PLEKHA6: variants seen among roughly 807,000 people sequenced by gnomAD.
PLEKHA6 encodes the protein pleckstrin homology domain-containing family A member 6.
In PLEKHA6, 60 loss-of-function variants were observed where a neutral mutation model predicts 116.7. That is an observed-to-expected ratio of 0.51 (90% CI 0.42 to 0.64). PLEKHA6 has a LOEUF of 0.64. Ranked by LOEUF, PLEKHA6 falls within the 30% of genes least tolerant of loss-of-function variation. PLEKHA6 has a pLI of 0.00. For synonymous variants in PLEKHA6, 489 were observed against 556.1 expected (o/e 0.88, Z 1.70); for missense variants, 1,338 against 1,422.7 (o/e 0.94, Z 0.96).
rs1261688546 is a variant in PLEKHA6, at chr1:204,223,686, G to A, written c.3032-101C>T. The A allele has an allele frequency of 2.3e-5, 15 of 641,140 alleles. No individual in the cohort carries two copies. Among genetic ancestry groups the A allele is most frequent in the Non-Finnish European group, 4.3e-5 (15 of 351,776 alleles). 39.7% of individuals were successfully genotyped at this position (641,140 alleles called of 1,614,324 possible). A position where few individuals can be genotyped will look rare whatever the true frequency, so the allele number is the denominator to read the frequency against. On this transcript the variant is annotated intron_variant, in intron 21 of 22. Transcript: ENST00000272203. This position sits in a 1 kb window ranked among gnomAD's most constrained non-coding sequence, Gnocchi z 4.8. Reference sequence around the variant, plus strand: ...CCTCCCCAGGCAGGGAGTGAGGCAGGGAGGCAAGCGAAGAGAGAGCACTGA... The same window carrying A: ...CCTCCCCAGGCAGGGAGTGAGGCAGAGAGGCAAGCGAAGAGAGAGCACTGA...
intron 2 of PLEKHA6, among the ~76,000 whole-genome samples, 160 bp from the exon 3 acceptor site, chr1:204,273,900 C>T (rs1667739886): frequency 6.6e-6 from 1 of 152,102 alleles, no homozygotes; most frequent in Non-Finnish European, 1.5e-5. Flanking sequence ...CTCCTTTAGC[C>T]TTTCTGAAAT....
At chr1:204,292,574 C>T (rs1669883015) in intron 1 of PLEKHA6, among the ~76,000 whole-genome samples, 1 of 151,778 alleles carries the variant, frequency 6.6e-6, no homozygotes, top group Non-Finnish European at 1.5e-5. Context: ...ACCTGTGTCC[C>T]TCGCCCTGGC....
In PLEKHA6 at chr1:204,244,848, C is replaced by A. The variant is rs781132630; in HGVS notation, c.2172+16G>T. On this transcript the variant is annotated intron_variant, in intron 15 of 22. Transcript: ENST00000272203. Reference sequence around the variant, plus strand: ...CTCCCTCCCCCACCTACCTTCTACTCCATTTCTCAACTTACCTCGTTGGAG... The same window carrying A: ...CTCCCTCCCCCACCTACCTTCTACTACATTTCTCAACTTACCTCGTTGGAG... 2.6e-6 allele frequency: 4 copies of A among 1,555,154 alleles called. No homozygotes were observed. Among genetic ancestry groups the A allele is most frequent in the Non-Finnish European group, 3.5e-6 (4 of 1,149,034 alleles).
At chr1:204,274,064 G>C (rs145730616) in intron 2 of PLEKHA6, among the ~76,000 whole-genome samples, 221 of 152,078 alleles carry the variant, frequency 1.5e-3, no homozygotes, top group Non-Finnish European at 2.9e-3. Context: ...TTCCAGAGTA[G>C]ATGGGACCAC....
intron 1 of PLEKHA6, chr1:204,377,504 G>T (rs1054007378): frequency 4.6e-5 from 7 of 152,170 alleles, no homozygotes; most frequent in Non-Finnish European, 2.9e-5. Flanking sequence ...TCTCCGGCCT[G>T]CCCCCAGCCC....
chr1:204,341,756 AAGT>A (rs1387386422), intron 1 of PLEKHA6, among the ~76,000 whole-genome samples: 1 of 152,254 alleles, frequency 6.6e-6, no homozygotes, highest in Non-Finnish European at 1.5e-5. Context: ...TAACCAAAAA[AAGT>A]AGATCAGAAA....
rs1055261069 is a variant in PLEKHA6 at position 204,305,316 on chromosome 1, A to C, written c.-94-30507T>G. Among the ~76,000 whole-genome samples, 3 of 152,324 alleles carry C rather than the reference A, an allele frequency of 2.0e-5. No homozygotes were observed. The South Asian group carries it at 6.2e-4, about 32-fold the overall frequency. On this transcript the variant is annotated intron_variant, in intron 1 of 22. Transcript: ENST00000272203. ...CGTGCATTGCTGGGCAGTGGGGTAG[A>C]GGGAGGTGCATGCAGTACTGCGGCA...
At chr1:204,278,891 A>T (rs973178522) in intron 1 of PLEKHA6, among the ~76,000 whole-genome samples, 1 of 152,132 alleles carries the variant, frequency 6.6e-6, no homozygotes, top group South Asian at 2.1e-4. Flanking sequence ...GCCCTGACTT[A>T]ATTTTTAACC....
chr1:204,348,406 G>T (rs1408727846), intron 1 of PLEKHA6, among the ~76,000 whole-genome samples: 2 of 152,088 alleles, frequency 1.3e-5, no homozygotes, highest in African/African-American at 4.8e-5. Context: ...AGCCATAAAT[G>T]CCTTGCCCGT....
intron 9 of PLEKHA6, chr1:204,255,479 G>A (rs1665150355): frequency 3.5e-5 from 21 of 606,844 alleles, no homozygotes; most frequent in South Asian, 3.2e-4. Flanking sequence ...GGGTGTGTAG[G>A]CGCAAACCAA....
intron 1 of PLEKHA6, among the ~76,000 whole-genome samples, chr1:204,288,279 G>A (rs115675356): frequency 0.01 from 1,523 of 152,268 alleles, 29 homozygotes; most frequent in African/African-American, 0.035. Flanking sequence ...TCAGCCAGCC[G>A]GAGCTGGCTG....
Position 204,219,649 on chromosome 1 carries a change from C to A in PLEKHA6, c.*3139G>T, listed in dbSNP as rs1659448690. 6.6e-6 allele frequency: 1 copy of A among 152,206 alleles called. No individual in the cohort carries two copies. Among genetic ancestry groups the A allele is most frequent in the Non-Finnish European group, 1.5e-5 (1 of 68,070 alleles). 9.4% of individuals were successfully genotyped at this position (152,206 alleles called of 1,614,324 possible). A position where few individuals can be genotyped will look rare whatever the true frequency, so the allele number is the denominator to read the frequency against. ...TGGGAGGCCAGGCTTCAAACGCTGG[C>A]CAGGAGCTCTGCTCTAGATTCCCAA... is the stretch of plus-strand genomic sequence containing the variant. On this transcript the variant is annotated 3_prime_UTR_variant, in exon 23 of 23. Coordinates refer to ENST00000272203, the MANE Select transcript of PLEKHA6 (RefSeq NM_014935.5).
intron 1 of PLEKHA6, among the ~76,000 whole-genome samples, chr1:204,302,439 C>T (rs954645567): frequency 3.3e-5 from 5 of 152,220 alleles, no homozygotes; most frequent in African/African-American, 1.2e-4. Flanking sequence ...GCTTGAACAT[C>T]TCAGAAGAGA....
intron 1 of PLEKHA6, among the ~76,000 whole-genome samples, chr1:204,347,417 C>T (rs1673102024): frequency 6.6e-6 from 1 of 151,646 alleles, no homozygotes; most frequent in Middle Eastern, 3.2e-3. Flanking sequence ...GTTCTTTTTT[C>T]AAGGTGCCCA....
intron 1 of PLEKHA6, among the ~76,000 whole-genome samples, chr1:204,314,932 T>C (rs1671797728): frequency 6.6e-6 from 1 of 152,138 alleles, no homozygotes; most frequent in Non-Finnish European, 1.5e-5. Context: ...GGTATCAATG[T>C]AGGCCTCGGT....
At chr1:204,263,672 G>C (rs1011801565) in intron 6 of PLEKHA6, among the ~76,000 whole-genome samples, 10 of 152,090 alleles carry the variant, frequency 6.6e-5, no homozygotes. Context: ...GCAGAGCTCC[G>C]AGCTGGAACG....
intron 13 of PLEKHA6, 34 bp from the exon 14 acceptor site, chr1:204,245,760 G>T: frequency 6.9e-7 from 1 of 1,445,820 alleles, no homozygotes; most frequent in Non-Finnish European, 9.7e-7. Context: ...AAAGGAAATG[G>T]CCATGAGGAG....
intron 12 of PLEKHA6, among the ~76,000 whole-genome samples, chr1:204,247,896 T>G (rs533463343): frequency 6.6e-6 from 1 of 150,896 alleles, no homozygotes; most frequent in Admixed American, 6.6e-5. Context: ...AAGATTGCAG[T>G]GAGCTGTGTT....
chr1:204,264,980 G>A lies in PLEKHA6; in HGVS notation c.343C>T (p.Gln115Ter). Reference sequence around the variant, plus strand: ...TTCCGGCTGATGTTGTCTGAGGGCTGCACTGCGGCTACCCGGAAGCTCAGG... The same window carrying A: ...TTCCGGCTGATGTTGTCTGAGGGCTACACTGCGGCTACCCGGAAGCTCAGG... ...PLLSFRVAAV[Q>*]PSDNISRKHT... The change falls in exon 6 of 23, where the codon CAG becomes TAG. Residue 115 changes from glutamine to a stop codon, truncating the protein, a stop_gained. Transcript: ENST00000272203. LOFTEE classifies it high-confidence loss of function. 1 of 1,614,064 alleles carries A rather than the reference G, an allele frequency of 6.2e-7. No individual in the cohort carries two copies. The highest frequency in any genetic ancestry group is 8.5e-7 in the Non-Finnish European group (1 of 1,179,898).
Sources: allele counts gnomAD v4.1 joint callset (sites outside exome capture counted in the v4.1 genomes callset), GRCh38; gene constraint gnomAD v4.1.1; non-coding constraint Gnocchi (gnomAD v3.1); transcripts MANE v1.5; gene names NCBI Gene and HGNC (gene_info 2026-07-23, HGNC 2026-07-21).